The following ERBB4 variants were observed in gnomAD, a reference collection of about 807,000 sequenced individuals.
ERBB4 encodes the protein receptor tyrosine-protein kinase erbB-4.
Under a neutral mutation model 158.0 loss-of-function variants are expected in ERBB4, and 42 were observed. The observed-to-expected ratio is 0.27, with a 90% CI of 0.21 to 0.34. The LOEUF is 0.34. Among genes scored for constraint, ERBB4 ranks in the 10% least tolerant of loss-of-function variants. The probability of loss-of-function intolerance (pLI) is 1.00; values close to 1 mark genes in which losing one functional copy is unlikely to be tolerated. For missense variants in ERBB4, 1,333 were observed against 1,624.1 expected (o/e 0.82, Z 3.08); for synonymous variants, 583 against 558.7 (o/e 1.04, Z -0.61).
intron 2 of ERBB4, among the ~76,000 whole-genome samples, chr2:212,020,115 T>G (rs1212210581): frequency 1.3e-5 from 2 of 152,142 alleles, no homozygotes; most frequent in Non-Finnish European, 2.9e-5. Context: ...TTAATGCATA[T>G]GTATGTCTAC....
At chr2:212,352,445 A>G (rs192979083) in intron 1 of ERBB4, among the ~76,000 whole-genome samples, 1 of 152,316 alleles carries the variant, frequency 6.6e-6, no homozygotes, top group Admixed American at 6.5e-5. Flanking sequence ...AAAACTAATA[A>G]TTTATTACAA....
At chr2:212,211,503 T>C in intron 1 of ERBB4, among the ~76,000 whole-genome samples, 1 of 152,024 alleles carries the variant, frequency 6.6e-6, no homozygotes, top group Admixed American at 6.6e-5. Context: ...CTACACTTTC[T>C]AATAAAATAG....
At chr2:211,728,973 T>C (rs1266573954) in intron 5 of ERBB4, among the ~76,000 whole-genome samples, 1 of 151,758 alleles carries the variant, frequency 6.6e-6, no homozygotes, top group Admixed American at 6.6e-5. Flanking sequence ...ATTTCTCTCA[T>C]TGAGTACACT....
rs1324395191 is a variant in ERBB4 at position 212,311,156 on chromosome 2, A to G, written c.83-186253T>C. Among the ~76,000 whole-genome samples, 3 of 150,994 alleles carry G rather than the reference A, an allele frequency of 2.0e-5. No homozygotes were observed. The East Asian group carries it at 5.9e-4, about 30-fold the overall frequency. On this transcript the variant is annotated intron_variant, in intron 1 of 27. Coordinates refer to ENST00000342788, the MANE Select transcript of ERBB4 (RefSeq NM_005235.3). ...ACAGTAGAAATCCAACATTTATTAA[A>G]TGAATTTGTCAAATTAGTAACTTAG...
At chr2:211,674,834 T>C (rs10183757) in intron 13 of ERBB4, among the ~76,000 whole-genome samples, 85,674 of 151,978 alleles carry the variant, frequency 0.56, 25,044 homozygotes, top group African/African-American at 0.67. Context: ...GATTAAAAGT[T>C]TATGGTACTA....
At chr2:211,763,951 G>T (rs2075482911) in intron 4 of ERBB4, among the ~76,000 whole-genome samples, 1 of 149,606 alleles carries the variant, frequency 6.7e-6, no homozygotes, top group Admixed American at 6.7e-5. Context: ...CACTTAAAAA[G>T]AACTCAAATT....
At chr2:211,656,173 A>T (rs1337871402) in intron 16 of ERBB4, among the ~76,000 whole-genome samples, 1 of 152,218 alleles carries the variant, frequency 6.6e-6, no homozygotes, top group African/African-American at 2.4e-5. Context: ...GGAATGAGGT[A>T]CAAGGTAGCT....
At chr2:212,075,193 T>A (rs1277959283) in intron 2 of ERBB4, among the ~76,000 whole-genome samples, 4 of 152,042 alleles carry the variant, frequency 2.6e-5, no homozygotes, top group South Asian at 2.1e-4. Context: ...GGATTTTTTT[T>A]AAAAGAAATA....
chr2:212,208,077 T>C (rs2082821217), intron 1 of ERBB4, among the ~76,000 whole-genome samples: 1 of 152,192 alleles, frequency 6.6e-6, no homozygotes, highest in Non-Finnish European at 1.5e-5. Flanking sequence ...TATCTGCTTT[T>C]GTATTTCTAT....
intron 1 of ERBB4, among the ~76,000 whole-genome samples, chr2:212,224,618 A>G (rs2083413087): frequency 2.0e-5 from 3 of 152,162 alleles, no homozygotes; most frequent in African/African-American, 7.2e-5. Flanking sequence ...TATCTTGGCA[A>G]CAACCCTAAG....
In ERBB4 at chr2:211,987,341, A is replaced by AAAAAAAG. The variant is rs1215048952; in HGVS notation, c.235-39726_235-39725insCTTTTTT. 4.2e-3 allele frequency among the ~76,000 whole-genome samples: 523 copies of AAAAAAAG among 124,422 alleles called. 20 individuals are homozygous for AAAAAAAG. Among genetic ancestry groups the AAAAAAAG allele is most frequent in the African/African-American group, 0.012 (424 of 35,590 alleles). 81.6% of individuals were successfully genotyped at this position (124,422 alleles called of 152,430 possible). A position where few individuals can be genotyped will look rare whatever the true frequency, so the allele number is the denominator to read the frequency against. On this transcript the variant is annotated intron_variant, in intron 2 of 27. Coordinates refer to ENST00000342788, the MANE Select transcript of ERBB4 (RefSeq NM_005235.3). ...ATCTCAAGAAAAGACAAAAAAAAAA[A>AAAAAAAG]AAAGAAAGAAATCTATCACCCATGA...
chr2:211,710,049 C>A (rs948115706), intron 9 of ERBB4, among the ~76,000 whole-genome samples: 1 of 151,862 alleles, frequency 6.6e-6, no homozygotes, highest in Non-Finnish European at 1.5e-5. Context: ...TTTCGTATTT[C>A]TTTTAAAATT....
At chr2:211,403,048 G>C (rs1172650674) in intron 25 of ERBB4, among the ~76,000 whole-genome samples, 1 of 151,956 alleles carries the variant, frequency 6.6e-6, no homozygotes, top group Non-Finnish European at 1.5e-5. Flanking sequence ...TATAAAATTT[G>C]CAAAAGTAAA....
At chr2:211,920,240 C>T (rs1165985897) in intron 3 of ERBB4, among the ~76,000 whole-genome samples, 3 of 151,946 alleles carry the variant, frequency 2.0e-5, no homozygotes, top group African/African-American at 4.8e-5. Context: ...TATTGTGCGT[C>T]TGAGAGCATA....
chr2:212,419,447 CAA>C (rs1488269952), intron 1 of ERBB4, among the ~76,000 whole-genome samples: 1 of 151,718 alleles, frequency 6.6e-6, no homozygotes, highest in Non-Finnish European at 1.5e-5. Flanking sequence ...TAAGCCAAAA[CAA>C]AAGAGAGGGA....
At chr2:211,431,678 A>C (rs888200966) in intron 20 of ERBB4, among the ~76,000 whole-genome samples, 4 of 152,144 alleles carry the variant, frequency 2.6e-5, no homozygotes, top group Non-Finnish European at 5.9e-5. Flanking sequence ...AGTCTTACAA[A>C]CCTGTAATTT....
intron 18 of ERBB4, among the ~76,000 whole-genome samples, chr2:211,622,367 T>C (rs2069637303): frequency 1.3e-5 from 2 of 152,266 alleles, no homozygotes; most frequent in East Asian, 3.9e-4. Context: ...CTATGCAAAG[T>C]AGGTACTCAA....
intron 1 of ERBB4, among the ~76,000 whole-genome samples, chr2:212,506,351 G>A (rs1288646826): frequency 1.3e-5 from 2 of 149,044 alleles, no homozygotes; most frequent in African/African-American, 4.9e-5. Flanking sequence ...AAAAAGAATT[G>A]CATGTCTCTC....
intron 2 of ERBB4, among the ~76,000 whole-genome samples, chr2:212,055,117 C>A (rs1286690917): frequency 1.3e-5 from 2 of 152,174 alleles, no homozygotes; most frequent in African/African-American, 4.8e-5. Flanking sequence ...CTGTGCTTTT[C>A]CAATGGTCTT....
Sources: gnomAD v4.1 joint callset for allele counts (sites outside exome capture counted in the v4.1 genomes callset) on GRCh38, gnomAD v4.1.1 for gene constraint, MANE v1.5 for transcripts, NCBI Gene and HGNC (gene_info 2026-07-23, HGNC 2026-07-21) for gene names.